The following USP37 variants were observed in gnomAD, a reference collection of about 807,000 sequenced individuals.
USP37 encodes the protein ubiquitin carboxyl-terminal hydrolase 37.
A neutral mutation model predicts 124.0 loss-of-function variants in USP37; 27 were observed. The observed-to-expected ratio is 0.22, with a 90% CI of 0.16 to 0.30. The LOEUF (loss-of-function observed/expected upper bound fraction) is 0.30, where lower values mean the gene tolerates loss of function less well. Ranked by LOEUF, USP37 falls within the 10% of genes least tolerant of loss-of-function variation. USP37 has a pLI of 1.00. For missense variants in USP37, 889 were observed against 1,140.4 expected (o/e 0.78, Z 3.17); for synonymous variants, 365 against 388.0 (o/e 0.94, Z 0.70).
rs1295022124 is a variant in USP37 at position 218,568,305 on chromosome 2, T to C, written c.-357A>G. The C allele has an allele frequency of 6.6e-6, 1 of 152,628 alleles. No individual in the cohort carries two copies. The highest frequency in any genetic ancestry group is 1.5e-5 in the Non-Finnish European group (1 of 68,204). 9.5% of individuals were successfully genotyped at this position (152,628 alleles called of 1,614,324 possible). On this transcript the variant is annotated 5_prime_UTR_variant, in exon 1 of 26. Coordinates refer to ENST00000258399, the MANE Select transcript of USP37 (RefSeq NM_020935.3). ...AAGGAGGGAGGCCGCTAGCTACCCC[T>C]AGTCAGGGAGAGCGGCTGATGGCGG...
At chr2:218,548,127 T>C (rs1692465195) in intron 6 of USP37, among the ~76,000 whole-genome samples, 1 of 152,156 alleles carries the variant, frequency 6.6e-6, no homozygotes, top group Admixed American at 6.6e-5. Context: ...CAAAGTAATA[T>C]TAGAAGCCAC....
At chr2:218,497,998 CTCAG>C in intron 12 of USP37, 24 bp downstream of exon 12, 3 of 1,573,088 alleles carry the variant, frequency 1.9e-6, no homozygotes, top group Non-Finnish European at 2.6e-6. Flanking sequence ...TAAAAGGTTA[CTCAG>C]TAAGTACAGT....
At chr2:218,503,259 T>C (rs1025221171) in intron 11 of USP37, among the ~76,000 whole-genome samples, 2 of 152,126 alleles carry the variant, frequency 1.3e-5, no homozygotes, top group Admixed American at 6.6e-5. Context: ...TGTGGGAAAA[T>C]ACAAAATACA....
intron 14 of USP37, among the ~76,000 whole-genome samples, chr2:218,492,509 G>T (rs973697397): frequency 6.6e-6 from 1 of 152,166 alleles, no homozygotes; most frequent in Non-Finnish European, 1.5e-5. Flanking sequence ...ATTTTAAATG[G>T]ATTGCTTTGG....
intron 4 of USP37, 85 bp from the exon 5 acceptor site, chr2:218,553,809 C>A: frequency 1.5e-6 from 2 of 1,290,402 alleles, no homozygotes; most frequent in Non-Finnish European, 1.0e-6. Context: ...AAACTTTATA[C>A]TTTCCATGTT....
Position 218,526,024 on chromosome 2 carries a change from CT to C in USP37, c.863+3931del, listed in dbSNP as rs1023345582. On this transcript the variant is annotated intron_variant, in intron 10 of 25. Coordinates refer to ENST00000258399, the MANE Select transcript of USP37 (RefSeq NM_020935.3). ...TCCCTGCAAAGGATATGATCTCATTCTTTTTTTATGGCTGCATAGTATTCTA... is the reference window on the plus strand; with the variant it reads ...TCCCTGCAAAGGATATGATCTCATTCTTTTTTATGGCTGCATAGTATTCTA... Among the ~76,000 whole-genome samples the C allele has an allele frequency of 4.6e-5, 7 of 152,146 alleles. No homozygotes were observed. The East Asian group carries it at 1.2e-3, about 25-fold the overall frequency.
At chr2:218,556,189 A>AG (rs1467829543) in intron 4 of USP37, among the ~76,000 whole-genome samples, 4 of 151,804 alleles carry the variant, frequency 2.6e-5, no homozygotes, top group Non-Finnish European at 5.9e-5. Flanking sequence ...TCTGTTACTC[A>AG]CTCCTCAGTG....
At chr2:218,494,447 A>C (rs1212570915) in intron 14 of USP37, among the ~76,000 whole-genome samples, 1 of 152,234 alleles carries the variant, frequency 6.6e-6, no homozygotes, top group Non-Finnish European at 1.5e-5. Flanking sequence ...AGTGTTAATA[A>C]CTAGATGTAA....
chr2:218,496,959 G>A (rs1689115579), intron 13 of USP37, among the ~76,000 whole-genome samples: 1 of 150,792 alleles, frequency 6.6e-6, no homozygotes, highest in South Asian at 2.1e-4. Context: ...CCTCTCCTCA[G>A]GTTTTTCAAT....
At chr2:218,496,409 T>C (rs1175484142) in intron 13 of USP37, among the ~76,000 whole-genome samples, 2 of 147,604 alleles carry the variant, frequency 1.4e-5, no homozygotes, top group East Asian at 1.9e-4. Context: ...ATGTGAACAA[T>C]GTCAGGTTTA....
chr2:218,536,552 T>G (rs1691658531), intron 8 of USP37, among the ~76,000 whole-genome samples: 1 of 152,240 alleles, frequency 6.6e-6, no homozygotes, highest in Non-Finnish European at 1.5e-5. Flanking sequence ...GGAAGCTACA[T>G]AACAGATTTC....
chr2:218,459,293 T>TCC (rs1689878707), intron 23 of USP37, among the ~76,000 whole-genome samples: 3 of 152,054 alleles, frequency 2.0e-5, no homozygotes, highest in African/African-American at 7.2e-5. Context: ...CCTCCTCCTC[T>TCC]TCCCAGGTTC....
At chr2:218,523,053 A>G (rs1188738103) in intron 10 of USP37, among the ~76,000 whole-genome samples, 1 of 152,216 alleles carries the variant, frequency 6.6e-6, no homozygotes, top group Non-Finnish European at 1.5e-5. Context: ...AGACGGGTGG[A>G]TCACCTGAGG....
At chr2:218,523,855 G>A (rs374203885) in intron 10 of USP37, among the ~76,000 whole-genome samples, 3 of 151,822 alleles carry the variant, frequency 2.0e-5, no homozygotes, top group South Asian at 2.1e-4. Context: ...TCATTTTCTT[G>A]TCCTACTGCA....
Position 218,455,729 on chromosome 2 carries a change from T to C in USP37, c.2714-11A>G. ...CACTAATGTAATGACCTGAAACAAATAACATCTTAAAATCAAGGTTTTTAA... is the reference window on the plus strand; with the variant it reads ...CACTAATGTAATGACCTGAAACAAACAACATCTTAAAATCAAGGTTTTTAA... On this transcript the variant is annotated splice_polypyrimidine_tract_variant and intron_variant, in intron 24 of 25. Transcript: ENST00000258399. 1.9e-6 allele frequency: 3 copies of C among 1,611,040 alleles called. No homozygotes were observed. Among genetic ancestry groups the C allele is most frequent in the Non-Finnish European group, 2.5e-6 (3 of 1,178,212 alleles).
At chr2:218,463,459 C>T (rs1337955023) in intron 21 of USP37, 93 bp from the exon 22 acceptor site, 3 of 1,077,090 alleles carry the variant, frequency 2.8e-6, no homozygotes, top group Non-Finnish European at 4.2e-6. Context: ...GAAGCATTTG[C>T]TAAGAATGCT....
At chr2:218,556,571 T>C (rs529668532) in intron 4 of USP37, among the ~76,000 whole-genome samples, 101 of 125,832 alleles carry the variant, frequency 8.0e-4, no homozygotes, top group African/African-American at 2.8e-3. Flanking sequence ...TGGAGTGCAA[T>C]GGTGAGATTT....
intron 15 of USP37, among the ~76,000 whole-genome samples, chr2:218,486,736 AT>A (rs1482644648): frequency 6.6e-6 from 1 of 150,790 alleles, no homozygotes; most frequent in African/African-American, 2.4e-5. Flanking sequence ...TATTTTTTTT[AT>A]TTTTTTGAGA....
intron 10 of USP37, among the ~76,000 whole-genome samples, chr2:218,526,831 C>G (rs1030149560): frequency 4.2e-5 from 5 of 118,826 alleles, no homozygotes; most frequent in Non-Finnish European, 8.0e-5. Context: ...CTCTGTCGCC[C>G]AGGCTGGAGT....
Sources: allele counts gnomAD v4.1 joint callset (sites outside exome capture counted in the v4.1 genomes callset), GRCh38; gene constraint gnomAD v4.1.1; transcripts MANE v1.5; gene names NCBI Gene and HGNC (gene_info 2026-07-23, HGNC 2026-07-21).